Variants in ENTREP1 observed in about 807,000 individuals in gnomAD.
The protein encoded by ENTREP1 is Friedreich ataxia region gene X123.
chr9:69,348,943 G>T, the ENTREP1 span, among the ~76,000 whole-genome samples: 1 of 152,068 alleles, frequency 6.6e-6, no homozygotes, highest in Admixed American at 6.6e-5. Context: ...TAGCACTTTG[G>T]GAGGCTGAGG....
At chr9:69,356,463 T>C in the ENTREP1 span, among the ~76,000 whole-genome samples, 1 of 139,784 alleles carries the variant, frequency 7.2e-6, no homozygotes, top group East Asian at 2.1e-4. Flanking sequence ...CAGATTCTTC[T>C]TAGGAACTGT....
the ENTREP1 span, chr9:69,391,720 G>T: frequency 1.9e-6 from 3 of 1,613,312 alleles, no homozygotes; most frequent in Admixed American, 5.0e-5. Flanking sequence ...CAGCGGGGAG[G>T]CCCCGAGCCG....
At chr9:69,361,783 C>T in the ENTREP1 span, among the ~76,000 whole-genome samples, 1 of 152,104 alleles carries the variant, frequency 6.6e-6, no homozygotes, top group Non-Finnish European at 1.5e-5. Context: ...CATTTCTGAA[C>T]ATCTGGGGAT....
the ENTREP1 span, chr9:69,388,451 G>A: frequency 3.8e-6 from 6 of 1,582,418 alleles, no homozygotes; most frequent in Non-Finnish European, 5.2e-6. Context: ...TCTAGAACAG[G>A]TAGTTTTATT....
chr9:69,329,784 T>TAGATTCCACTGGGGTGTGGGAGTTAACG, the ENTREP1 span: 1 of 887,190 alleles, frequency 1.1e-6, no homozygotes, highest in Non-Finnish European at 1.4e-6. Flanking sequence ...TAGTGTTAAC[T>TAGATTCCACTGGGGTGTGGGAGTTAACG]AGATTCCACT....
At chr9:69,349,598 T>G in the ENTREP1 span, among the ~76,000 whole-genome samples, 1 of 152,218 alleles carries the variant, frequency 6.6e-6, no homozygotes, top group African/African-American at 2.4e-5. Flanking sequence ...ATTTAAAAAT[T>G]GGTTACTTGT....
chr9:69,333,876 CAT>C, the ENTREP1 span, among the ~76,000 whole-genome samples: 1 of 152,104 alleles, frequency 6.6e-6, no homozygotes. Flanking sequence ...CATGCACACA[CAT>C]GTGCACACAC....
the ENTREP1 span, chr9:69,383,305 A>G: frequency 3.9e-5 from 34 of 869,328 alleles, no homozygotes; most frequent in South Asian, 1.1e-3. Context: ...ATACCCATCA[A>G]ACAGTCACTC....
At chr9:69,352,397 G>A in the ENTREP1 span, among the ~76,000 whole-genome samples, 18 of 152,270 alleles carry the variant, frequency 1.2e-4, no homozygotes, top group African/African-American at 3.9e-4. Flanking sequence ...GGGATTACAA[G>A]CGTGAGCCAC....
At chr9:69,339,102 C>T in the ENTREP1 span, among the ~76,000 whole-genome samples, 1 of 152,104 alleles carries the variant, frequency 6.6e-6, no homozygotes, top group Non-Finnish European at 1.5e-5. Flanking sequence ...TCATTGCAGC[C>T]TCAAACTCCT....
chr9:69,378,823 G>T, the ENTREP1 span, among the ~76,000 whole-genome samples: 1 of 152,096 alleles, frequency 6.6e-6, no homozygotes, highest in Non-Finnish European at 1.5e-5. Context: ...TCTGTGCTGG[G>T]TTATTGGAAT....
At chr9:69,383,801 G>T in the ENTREP1 span, 2 of 1,613,246 alleles carry the variant, frequency 1.2e-6, no homozygotes, top group Non-Finnish European at 1.7e-6. Flanking sequence ...TTGACTGCAA[G>T]TGGGAAAGAC....
chr9:69,345,943 T>G, the ENTREP1 span, among the ~76,000 whole-genome samples: 1 of 151,938 alleles, frequency 6.6e-6, no homozygotes, highest in African/African-American at 2.4e-5. Flanking sequence ...GACCTCTGCA[T>G]TTATCCCACA....
chr9:69,351,388 T>TTGATGATGATGA, the ENTREP1 span, among the ~76,000 whole-genome samples: 3,975 of 151,434 alleles, frequency 0.026, 51 homozygotes, highest in Middle Eastern at 0.054. Flanking sequence ...TCTTATTTCC[T>TTGATGATGATGA]TGATGATGAT....
the ENTREP1 span, among the ~76,000 whole-genome samples, chr9:69,370,417 C>T: frequency 2.6e-5 from 4 of 152,260 alleles, no homozygotes; most frequent in South Asian, 2.1e-4. Flanking sequence ...GGGACATATT[C>T]TATATGCTGC....
chr9:69,367,704 A>C, the ENTREP1 span, among the ~76,000 whole-genome samples: 3,638 of 104,960 alleles, frequency 0.035, 269 homozygotes, highest in African/African-American at 0.12. Flanking sequence ...CATATATATA[A>C]ATATATATAT....
chr9:69,372,168 TAAAAG>T, the ENTREP1 span, among the ~76,000 whole-genome samples: 7 of 152,220 alleles, frequency 4.6e-5, no homozygotes, highest in Non-Finnish European at 8.8e-5. Context: ...TCTCTGAACT[TAAAAG>T]AAAATAAATT....
chr9:69,373,343 T>C, the ENTREP1 span, among the ~76,000 whole-genome samples: 1 of 152,198 alleles, frequency 6.6e-6, no homozygotes, highest in Non-Finnish European at 1.5e-5. Context: ...GTTGCTCTTC[T>C]CTTCTCTTTC....
At chr9:69,367,640 TAC>T in the ENTREP1 span, among the ~76,000 whole-genome samples, 1 of 128,670 alleles carries the variant, frequency 7.8e-6, no homozygotes, top group African/African-American at 2.9e-5. Flanking sequence ...AATATATATA[TAC>T]ACACATATAT....
Sources: gnomAD v4.1 joint callset for allele counts (sites outside exome capture counted in the v4.1 genomes callset) on GRCh38, gnomAD v4.1.1 for gene constraint, MANE v1.5 for transcripts, NCBI Gene and HGNC (gene_info 2026-07-23, HGNC 2026-07-21) for gene names.